Variants in MCU observed in about 807,000 individuals in gnomAD.
The protein encoded by MCU is calcium uniporter protein, mitochondrial.
MCU carries 12 observed loss-of-function variants against 45.2 expected under a neutral mutation model. The observed-to-expected ratio is 0.27, with a 90% CI of 0.17 to 0.43. The LOEUF is 0.43. Among genes scored for constraint, MCU ranks in the 20% least tolerant of loss-of-function variants. The pLI, the probability that MCU is intolerant of heterozygous loss-of-function variation, is 1.00. For missense variants in MCU, 324 were observed against 436.7 expected (o/e 0.74, Z 2.30); for synonymous variants, 160 against 165.1 (o/e 0.97, Z 0.24).
At chr10:72,820,796 G>A (rs925964566) in intron 1 of MCU, among the ~76,000 whole-genome samples, 1 of 152,210 alleles carries the variant, frequency 6.6e-6, no homozygotes, top group Non-Finnish European at 1.5e-5. Flanking sequence ...ACAGGCGTGA[G>A]CCACCACGCC....
chr10:72,693,017 C>T, intron 1 of MCU: 1 of 1,536,108 alleles, frequency 6.5e-7, no homozygotes, highest in African/African-American at 1.4e-5. Flanking sequence ...CGTGTTCACG[C>T]GTGCCTGAAG....
At chr10:72,705,947 C>A (rs1842814338) in intron 1 of MCU, among the ~76,000 whole-genome samples, 2 of 152,070 alleles carry the variant, frequency 1.3e-5, no homozygotes, top group African/African-American at 4.8e-5. Context: ...CAAACCACAA[C>A]ACTCCAGCCT....
intron 1 of MCU, among the ~76,000 whole-genome samples, chr10:72,817,656 C>T (rs1182214723): frequency 6.6e-6 from 1 of 152,182 alleles, no homozygotes; most frequent in Non-Finnish European, 1.5e-5. Flanking sequence ...GAGTCTGTTG[C>T]CCAGGCTGGA....
intron 1 of MCU, among the ~76,000 whole-genome samples, chr10:72,770,040 G>A (rs1351384140): frequency 6.6e-6 from 1 of 151,206 alleles, no homozygotes; most frequent in Non-Finnish European, 1.5e-5. Flanking sequence ...TTCCTTTGTG[G>A]TTTTTTTTCT....
At chr10:72,761,443 G>A (rs1357136182) in intron 1 of MCU, among the ~76,000 whole-genome samples, 1 of 152,092 alleles carries the variant, frequency 6.6e-6, no homozygotes, top group South Asian at 2.1e-4. Context: ...CAAAGAAAAC[G>A]AAGTTATCTT....
intron 1 of MCU, among the ~76,000 whole-genome samples, chr10:72,700,392 G>T (rs2132648141): frequency 6.6e-6 from 1 of 152,240 alleles, no homozygotes. Flanking sequence ...GTCAAAGTCA[G>T]TCTTGAATAA....
intron 1 of MCU, among the ~76,000 whole-genome samples, chr10:72,748,052 CTT>C (rs537441082): frequency 2.8e-5 from 4 of 144,766 alleles, no homozygotes; most frequent in African/African-American, 5.0e-5. Flanking sequence ...CGACAACCAT[CTT>C]TTTTTTTTTT....
At chr10:72,741,589 C>T (rs1843332731) in intron 1 of MCU, among the ~76,000 whole-genome samples, 1 of 152,146 alleles carries the variant, frequency 6.6e-6, no homozygotes, top group South Asian at 2.1e-4. Context: ...AGAAGAGTGT[C>T]CATGTTCCCT....
At position 72,868,842 on chromosome 10, in the gene MCU, G is replaced by A; in HGVS notation, c.636G>A (p.Glu212=). ...TTGAAAGACTAGAGGATCTCAAAGA[G>A]CAGCTGGCTCCCCTGGAAAAGGTAA... is the stretch of plus-strand genomic sequence containing the variant. The part of the protein sequence containing the change: ...ELIERLEDLK[E]QLAPLEKVRI... Residue 212 remains glutamate (E), a synonymous_variant, in exon 5 of 8, where the codon GAG becomes GAA. Transcript: ENST00000373053. 6.2e-7 allele frequency: 1 copy of A among 1,613,654 alleles called. No homozygotes were observed. The highest frequency in any genetic ancestry group is 8.5e-7 in the Non-Finnish European group (1 of 1,179,902).
At chr10:72,769,397 A>T (rs1481414392) in intron 1 of MCU, among the ~76,000 whole-genome samples, 2 of 152,164 alleles carry the variant, frequency 1.3e-5, no homozygotes, top group Non-Finnish European at 2.9e-5. Flanking sequence ...TCCATGTTAA[A>T]TATGGGGAGG....
At chr10:72,735,016 C>T (rs1184138060) in intron 1 of MCU, among the ~76,000 whole-genome samples, 1 of 150,188 alleles carries the variant, frequency 6.7e-6, no homozygotes, top group Non-Finnish European at 1.5e-5. Flanking sequence ...GTTGAGGCTT[C>T]AGTGGGCTGT....
chr10:72,814,495 T>G (rs971365591), intron 1 of MCU, among the ~76,000 whole-genome samples: 3 of 152,148 alleles, frequency 2.0e-5, no homozygotes, highest in African/African-American at 7.2e-5. Context: ...GGAAGAGACT[T>G]CAATTAAAAG....
chr10:72,813,450 C>CTTTTTTTT (rs71021537), intron 1 of MCU, among the ~76,000 whole-genome samples: 2 of 76,196 alleles, frequency 2.6e-5, no homozygotes, highest in Non-Finnish European at 4.8e-5. Flanking sequence ...CCAGCTCTCT[C>CTTTTTTTT]TTTTTTTTTT....
At chr10:72,737,821 AT>A (rs1349022006) in intron 1 of MCU, among the ~76,000 whole-genome samples, 2 of 151,988 alleles carry the variant, frequency 1.3e-5, no homozygotes, top group African/African-American at 4.8e-5. Flanking sequence ...TGCCCAGCCT[AT>A]TTCCCCTTTT....
intron 1 of MCU, among the ~76,000 whole-genome samples, chr10:72,794,606 A>G (rs902112449): frequency 1.3e-5 from 2 of 152,180 alleles, no homozygotes; most frequent in African/African-American, 4.8e-5. Flanking sequence ...TTTCAGTCCA[A>G]GCTGATATAA....
intron 2 of MCU, among the ~76,000 whole-genome samples, chr10:72,856,968 A>G (rs1254559206): frequency 1.4e-5 from 2 of 147,066 alleles, no homozygotes; most frequent in Non-Finnish European, 3.0e-5. Flanking sequence ...GGTTTTAGAC[A>G]TGGGGTCCCA....
At chr10:72,773,962 G>A (rs931726021) in intron 1 of MCU, among the ~76,000 whole-genome samples, 3 of 152,140 alleles carry the variant, frequency 2.0e-5, no homozygotes, top group African/African-American at 7.2e-5. Context: ...CATCTTACAA[G>A]AAATGCTAAA....
At chr10:72,715,396 T>C (rs1466101741) in intron 1 of MCU, among the ~76,000 whole-genome samples, 3 of 152,198 alleles carry the variant, frequency 2.0e-5, no homozygotes, top group Admixed American at 2.0e-4. Flanking sequence ...CTGAGTTTAG[T>C]GAGGTGACTG....
At chr10:72,716,988 TCTA>T (rs1029257501) in intron 1 of MCU, among the ~76,000 whole-genome samples, 14 of 152,186 alleles carry the variant, frequency 9.2e-5, no homozygotes, top group Admixed American at 7.9e-4. Context: ...AAATCAGTGT[TCTA>T]CTACTGAAAT....
Sources: allele counts gnomAD v4.1 joint callset (sites outside exome capture counted in the v4.1 genomes callset), GRCh38; gene constraint gnomAD v4.1.1; transcripts MANE v1.5; gene names NCBI Gene and HGNC (gene_info 2026-07-23, HGNC 2026-07-21).